Variants in SH3BP2 observed in about 807,000 individuals in gnomAD.
SH3BP2 encodes SH3 domain-binding protein 2.
Under a neutral mutation model 56.2 loss-of-function variants are expected in SH3BP2, and 38 were observed. That is an observed-to-expected ratio of 0.68 (90% CI 0.52 to 0.89). The LOEUF (loss-of-function observed/expected upper bound fraction) is 0.89, where lower values mean the gene tolerates loss of function less well. SH3BP2 is among the 40% of genes least tolerant of loss of function. The probability of loss-of-function intolerance (pLI) is 0.00; values close to 1 mark genes in which losing one functional copy is unlikely to be tolerated. For synonymous variants in SH3BP2, 346 were observed against 316.7 expected (o/e 1.09, Z -0.98); for missense variants, 748 against 762.6 (o/e 0.98, Z 0.23).
intron 1 of SH3BP2, among the ~76,000 whole-genome samples, chr4:2,816,869 C>T (rs1724024556): frequency 6.6e-6 from 1 of 152,142 alleles, no homozygotes; most frequent in Non-Finnish European, 1.5e-5. Flanking sequence ...TGTCTATACC[C>T]ATAAGGGATA....
intron 1 of SH3BP2, among the ~76,000 whole-genome samples, chr4:2,809,434 C>T (rs1014635249): frequency 4.6e-5 from 7 of 151,928 alleles, no homozygotes; most frequent in African/African-American, 1.7e-4. Context: ...GGACTCAGTG[C>T]CCTCCCTGAG....
intron 3 of SH3BP2, among the ~76,000 whole-genome samples, chr4:2,824,288 T>C (rs1250078701): frequency 6.6e-6 from 1 of 152,162 alleles, no homozygotes; most frequent in Non-Finnish European, 1.5e-5. Context: ...CAAGCAGGCC[T>C]GGGCAAATGG....
chr4:2,806,710 G>C (rs1723549449), intron 1 of SH3BP2, among the ~76,000 whole-genome samples: 1 of 152,238 alleles, frequency 6.6e-6, no homozygotes, highest in Non-Finnish European at 1.5e-5. Context: ...GGCCAGGCCA[G>C]AGCTCCGCCT....
At chr4:2,833,124 A>G in intron 12 of SH3BP2, 75 bp downstream of exon 12, 1 of 1,346,670 alleles carries the variant, frequency 7.4e-7, no homozygotes, top group Non-Finnish European at 1.1e-6. Context: ...CTCCCTGATG[A>G]GGCATAGGCA....
In SH3BP2 at chr4:2,829,887, C is replaced by A. The variant is rs776693065; in HGVS notation, c.981C>A (p.Thr327=). The A allele has an allele frequency of 6.2e-7, 1 of 1,613,962 alleles. No individual in the cohort carries two copies. The highest frequency in any genetic ancestry group is 1.7e-5 in the Admixed American group (1 of 60,034). The part of the protein sequence containing the change: ...TSSAAIMATA[T]SRNCDKLKSF... Reference sequence around the variant, plus strand: ...GTGCTGCCATCATGGCCACTGCCACCTCCAGAAACTGTGACAAACTCAAGT... The same window carrying A: ...GTGCTGCCATCATGGCCACTGCCACATCCAGAAACTGTGACAAACTCAAGT... The change falls in exon 8 of 13, where the codon ACC becomes ACA. Residue 327 remains threonine (T), a synonymous_variant. Coordinates refer to ENST00000503393, the MANE Select transcript of SH3BP2 (RefSeq NM_001122681.2). The surrounding 1 kb of genome is among the most constrained non-coding windows in gnomAD (Gnocchi z 4.9).
rs760278678 is a variant in SH3BP2 at position 2,805,893 on chromosome 4, T to C, written c.-5+12755T>C. Among the ~76,000 whole-genome samples the C allele has an allele frequency of 2.9e-4, 44 of 152,026 alleles. 3 individuals carry two copies. The highest frequency in any genetic ancestry group is 9.7e-5 in the African/African-American group (4 of 41,378). ...CCAAGGTGCAGAGAGGGAAGGGGTG[T>C]GGCACTGGGAATGTGGCTCTGTCTG... On this transcript the variant is annotated intron_variant, in intron 1 of 12. Coordinates refer to ENST00000503393, the MANE Select transcript of SH3BP2 (RefSeq NM_001122681.2).
chr4:2,824,725 CGCAAGGTGACTGGGGGTCCGAGGACGAGT>C lies in SH3BP2; in HGVS notation c.357+13_357+41del, dbSNP rs1560106780. 4.4e-6 allele frequency: 7 copies of C among 1,605,974 alleles called. No homozygotes were observed. Among genetic ancestry groups the C allele is most frequent in the Non-Finnish European group, 6.0e-6 (7 of 1,172,858 alleles). ...CTTCTCGGCCTCCTCCGAGGAGGAG[CGCAAGGTGACTGGGGGTCCGAGGACGAGT>C]GCAAGGTGACTGGGGGTGTGGGCCT... is the stretch of plus-strand genomic sequence containing the variant. On this transcript the variant is annotated splice_donor_variant and splice_donor_5th_base_variant and coding_sequence_variant and intron_variant, in exon 4 of 13. Transcript: ENST00000503393. LOFTEE classifies it high-confidence loss of function.
intron 1 of SH3BP2, chr4:2,812,485 G>A: frequency 6.5e-7 from 1 of 1,548,798 alleles, no homozygotes; most frequent in Non-Finnish European, 8.7e-7. Flanking sequence ...CAGGTCAGTG[G>A]GGCGGCCCCA....
At position 2,827,063 on chromosome 4, in the gene SH3BP2, G is replaced by A. The variant is rs147087776; in HGVS notation, c.429-167G>A. 2.8e-3 allele frequency: 1,941 copies of A among 701,858 alleles called. 6 individuals carry two copies. The highest frequency in any genetic ancestry group is 2.1e-3 in the Non-Finnish European group (817 of 385,200). The allele number at this position is 701,858 out of a possible 1,614,324, so 43.5% of individuals were successfully genotyped here. A position where few individuals can be genotyped will look rare whatever the true frequency, so the allele number is the denominator to read the frequency against. On this transcript the variant is annotated intron_variant, in intron 5 of 12. Transcript: ENST00000503393. ...TCAGCGTATCCGTGTGTGCATGTGT[G>A]TGTCTGTCAGCTTAACCATGTGTGC...
At chr4:2,794,270 C>T (rs2108691800) in intron 1 of SH3BP2, 1 of 152,508 alleles carries the variant, frequency 6.6e-6, no homozygotes, top group East Asian at 1.9e-4. Flanking sequence ...CAGGTCAGCC[C>T]TGCACCAACT....
rs1026929940 is a variant in SH3BP2, at chr4:2,831,032, A to G, written c.1242-539A>G. Among the ~76,000 whole-genome samples the G allele has an allele frequency of 6.6e-6, 1 of 152,236 alleles. No homozygotes were observed. Among genetic ancestry groups the G allele is most frequent in the Non-Finnish European group, 1.5e-5 (1 of 68,040 alleles). On this transcript the variant is annotated intron_variant, in intron 8 of 12. Transcript: ENST00000503393. This position sits in a 1 kb window ranked among gnomAD's most constrained non-coding sequence, Gnocchi z 4.1. ...CACGTTTTTCCATGACTGTGGGGATAGCGGTTCCAGGGCTCAGCCTCACCC... is the reference window on the plus strand; with the variant it reads ...CACGTTTTTCCATGACTGTGGGGATGGCGGTTCCAGGGCTCAGCCTCACCC...
At chr4:2,833,079 C>A in intron 12 of SH3BP2, 30 bp downstream of exon 12, 1 of 1,607,814 alleles carries the variant, frequency 6.2e-7, no homozygotes, top group Non-Finnish European at 8.5e-7. Context: ...GACGGGGACC[C>A]TGGCCGCATG....
At chr4:2,793,319 CCGGGGAGTCTCA>C (rs1429052142) in intron 1 of SH3BP2, among the ~76,000 whole-genome samples, 181 bp downstream of exon 1, 2 of 143,186 alleles carry the variant, frequency 1.4e-5, no homozygotes, top group East Asian at 4.2e-4. Context: ...GGGGGAGTCT[CCGGGGAGTCTCA>C]GGGGTCCCGG....
Position 2,820,765 on chromosome 4 carries a change from G to A in SH3BP2, c.136+12G>A, listed in dbSNP as rs1471386268. ...GCAGCTGCTGAAATGTGAGTCCCTGGGGTGGTAGGGTGCACAGTAGGAGGG... is the reference window on the plus strand; with the variant it reads ...GCAGCTGCTGAAATGTGAGTCCCTGAGGTGGTAGGGTGCACAGTAGGAGGG... On this transcript the variant is annotated intron_variant, in intron 2 of 12. Transcript: ENST00000503393. The A allele has an allele frequency of 1.2e-6, 2 of 1,611,022 alleles. No individual in the cohort carries two copies. The highest frequency in any genetic ancestry group is 4.5e-5 in the East Asian group (2 of 44,782).
Position 2,831,974 on chromosome 4 carries a change from GA to G in SH3BP2, c.1405del (p.Arg469GlyfsTer40). On this transcript the variant is annotated frameshift_variant, in exon 10 of 13. Coordinates refer to ENST00000503393, the MANE Select transcript of SH3BP2 (RefSeq NM_001122681.2). LOFTEE classifies it high-confidence loss of function. The surrounding 1 kb of genome is among the most constrained non-coding windows in gnomAD (Gnocchi z 4.1). ...CAACACCACGGAGTCCTGCGAAGTG[GA>G]AAGGTCAGCACAAAGCCCTGTGTGT... ...FVNTTESCEV[E>X]RLFKATSPRG... is the part of the protein sequence containing the mutation. 6.2e-7 allele frequency: 1 copy of G among 1,612,990 alleles called. No homozygotes were observed. Among genetic ancestry groups the G allele is most frequent in the Non-Finnish European group, 8.5e-7 (1 of 1,180,004 alleles).
chr4:2,806,879 G>C (rs1269781350), intron 1 of SH3BP2, among the ~76,000 whole-genome samples: 1 of 152,280 alleles, frequency 6.6e-6, no homozygotes, highest in African/African-American at 2.4e-5. Context: ...TCTGAGGACA[G>C]AGCTTGAGGG....
At chr4:2,806,564 C>T (rs1031832737) in intron 1 of SH3BP2, among the ~76,000 whole-genome samples, 1 of 152,110 alleles carries the variant, frequency 6.6e-6, no homozygotes, top group Non-Finnish European at 1.5e-5. Flanking sequence ...TGGCTTCCCC[C>T]AGACCCACCT....
At chr4:2,824,994 T>A in intron 4 of SH3BP2, 132 bp from the exon 5 acceptor site, 5 of 832,752 alleles carry the variant, frequency 6.0e-6, no homozygotes, top group Non-Finnish European at 1.0e-5. Context: ...CACACAGCCA[T>A]GTTGTATCCA....
At chr4:2,812,424 G>C in intron 1 of SH3BP2, 1 of 1,550,288 alleles carries the variant, frequency 6.5e-7, no homozygotes, top group Non-Finnish European at 8.7e-7. Context: ...CCAGGACACC[G>C]GCCCCGAGCA....
Sources: gnomAD v4.1 joint callset for allele counts (sites outside exome capture counted in the v4.1 genomes callset) on GRCh38, gnomAD v4.1.1 for gene constraint, Gnocchi (gnomAD v3.1) non-coding constraint, MANE v1.5 for transcripts, NCBI Gene and HGNC (gene_info 2026-07-23, HGNC 2026-07-21) for gene names.